The following SZT2 variants were observed in gnomAD, a reference collection of about 807,000 sequenced individuals.
SZT2 encodes KICSTOR complex protein SZT2.
Under a neutral mutation model 404.2 loss-of-function variants are expected in SZT2, and 216 were observed. The ratio of observed to expected loss-of-function variants is 0.53; its 90% CI spans 0.48 to 0.60. The LOEUF is 0.60. SZT2 is among the 20% of genes least tolerant of loss of function. SZT2 has a pLI of 0.00. For synonymous variants in SZT2, 1,693 were observed against 1,749.9 expected, an observed-to-expected ratio of 0.97 and a Z score of 0.81; for missense variants, 3,857 against 4,459.2, an observed-to-expected ratio of 0.86 and a Z score of 3.85.
rs1655669262 is a variant in SZT2, at chr1:43,446,333, T to A, written c.8998-9T>A. 1.2e-6 allele frequency: 2 copies of A among 1,614,106 alleles called. No homozygotes were observed. On this transcript the variant is annotated splice_polypyrimidine_tract_variant and intron_variant, in intron 64 of 71. Coordinates refer to ENST00000634258, the MANE Select transcript of SZT2 (RefSeq NM_001365999.1). ...CGCCTTCCTGATCTCATCTTCACCT[T>A]CCCTCCAGGGCTGTTACTTCTGTGT...
At position 43,435,252 on chromosome 1, in the gene SZT2, T is replaced by A; in HGVS notation, c.5957T>A (p.Val1986Glu). ...HDSHVCNSLL[V>E]AESEEDLWRS... ...AGCCACGTGTGTAACTCTCTTCTGGTGGCCGAGAGTGAAGAAGATCTGTGG... is the reference window on the plus strand; with the variant it reads ...AGCCACGTGTGTAACTCTCTTCTGGAGGCCGAGAGTGAAGAAGATCTGTGG... The change falls in exon 42 of 72, where the codon GTG becomes GAG. Residue 1986 changes from valine (V) to glutamate (E), a missense_variant. This residue lies in a region of SZT2 where 1,725 missense variants were observed against 1,881.0 expected (regional missense o/e 0.92). Transcript: ENST00000634258. 6.2e-7 allele frequency: 1 copy of A among 1,614,236 alleles called. No homozygotes were observed. The highest frequency in any genetic ancestry group is 1.3e-5 in the African/African-American group (1 of 75,060).
At chr1:43,416,136 C>G in intron 6 of SZT2, 35 bp downstream of exon 6, 1 of 1,590,536 alleles carries the variant, frequency 6.3e-7, no homozygotes, top group Non-Finnish European at 8.5e-7. Flanking sequence ...ACTGGGGAAG[C>G]AGGGATACAG....
Position 43,437,948 on chromosome 1 carries a change from G to C in SZT2, c.6508+46G>C. 6.3e-7 allele frequency: 1 copy of C among 1,582,202 alleles called. No individual in the cohort carries two copies. Among genetic ancestry groups the C allele is most frequent in the Non-Finnish European group, 8.7e-7 (1 of 1,151,724 alleles). The stretch of plus-strand genomic sequence containing the variant: ...AGGGGAGTCGCCACATGAGGTTCCA[G>C]AATCCTCTGGGACTTCTCTTAGAAC... On this transcript the variant is annotated intron_variant, in intron 46 of 71. Transcript: ENST00000634258. The surrounding 1 kb of genome is among the most constrained non-coding windows in gnomAD (Gnocchi z 5.3).
chr1:43,403,659 A>C lies in SZT2; in HGVS notation c.212A>C (p.Asp71Ala). The part of the protein sequence containing the change: ...LSVLPPGWQP[D>A]EPVVPRPFLL... ...GTCCTGCCCCCTGGGTGGCAGCCAG[A>C]TGAACCAGTGGTCCCAAGGCCATTC... The change falls in exon 3 of 72, where the codon GAT (aspartate) becomes GCT (alanine). Residue 71 changes from aspartate to alanine, a missense_variant. Asp to Ala is a moderately radical substitution (Grantham distance 126, BLOSUM62 -2). Transcript: ENST00000634258. 1.2e-6 allele frequency: 2 copies of C among 1,614,182 alleles called. No homozygotes were observed. Among genetic ancestry groups the C allele is most frequent in the Non-Finnish European group, 1.7e-6 (2 of 1,180,032 alleles).
Position 43,426,321 on chromosome 1 carries a change from C to T in SZT2, c.3044-47C>T. On this transcript the variant is annotated intron_variant, in intron 21 of 71. Coordinates refer to ENST00000634258, the MANE Select transcript of SZT2 (RefSeq NM_001365999.1). This position sits in a 1 kb window ranked among gnomAD's most constrained non-coding sequence, Gnocchi z 4.9. ...CTGGTCAGGGCTGAGCCGGGGGCACCGGGCAGCAGGAGGCTCTTGGTGCTG... is the reference window on the plus strand; with the variant it reads ...CTGGTCAGGGCTGAGCCGGGGGCACTGGGCAGCAGGAGGCTCTTGGTGCTG... The T allele has an allele frequency of 9.9e-6, 15 of 1,509,504 alleles. No homozygotes were observed. Among genetic ancestry groups the T allele is most frequent in the Non-Finnish European group, 1.3e-5 (15 of 1,128,442 alleles). 93.5% of individuals were successfully genotyped at this position (1,509,504 alleles called of 1,614,324 possible).
In SZT2 at chr1:43,448,811, C is replaced by A; in HGVS notation, c.10086+83C>A. ...AGATGTGCCCCTCAGCCTGACCAAACAAGCTCTGCTCTGGAGGGAGGCCTA... is the reference window on the plus strand; with the variant it reads ...AGATGTGCCCCTCAGCCTGACCAAAAAAGCTCTGCTCTGGAGGGAGGCCTA... On this transcript the variant is annotated intron_variant, in intron 70 of 71. Transcript: ENST00000634258. The surrounding 1 kb of genome is among the most constrained non-coding windows in gnomAD (Gnocchi z 4.2). The A allele has an allele frequency of 7.6e-7, 1 of 1,320,726 alleles. No individual in the cohort carries two copies. The highest frequency in any genetic ancestry group is 1.1e-6 in the Non-Finnish European group (1 of 915,398). The allele number at this position is 1,320,726 out of a possible 1,614,324, so 81.8% of individuals were successfully genotyped here. A position where few individuals can be genotyped will look rare whatever the true frequency, so the allele number is the denominator to read the frequency against.
In SZT2 at chr1:43,438,726, G is replaced by A. The variant is rs185955600; in HGVS notation, c.6536G>A (p.Arg2179Gln). 35 of 1,614,092 alleles carry A rather than the reference G, an allele frequency of 2.2e-5. No individual in the cohort carries two copies. Among genetic ancestry groups the A allele is most frequent in the Admixed American group, 1.2e-4 (7 of 60,020 alleles). The change falls in exon 47 of 72, where the codon CGA (arginine) becomes CAA (glutamine). Residue 2179 changes from arginine (R) to glutamine (Q), a missense_variant. By Grantham distance (43) the Arg-to-Gln change is conservative. Coordinates refer to ENST00000634258, the MANE Select transcript of SZT2 (RefSeq NM_001365999.1). ...AGPEITDELV[R>Q]VLCRRLDEAT... ...CCTGAGATCACGGATGAGCTCGTGCGAGTTCTATGTCGGCGCCTGGATGAG... is the reference window on the plus strand; with the variant it reads ...CCTGAGATCACGGATGAGCTCGTGCAAGTTCTATGTCGGCGCCTGGATGAG...
Position 43,415,172 on chromosome 1 carries a change from G to T in SZT2, c.589G>T (p.Val197Leu). 6.3e-7 allele frequency: 1 copy of T among 1,598,072 alleles called. No individual in the cohort carries two copies. Among genetic ancestry groups the T allele is most frequent in the South Asian group, 1.1e-5 (1 of 91,044 alleles). Residue 197 changes from valine (V) to leucine (L), a missense_variant, in exon 5 of 72, where the codon GTG (valine) becomes TTG (leucine). Physicochemically the swap from Val to Leu is conservative, Grantham distance 32. Around this residue, in one of 7 missense-constraint regions of SZT2, gnomAD observed 536 missense variants for 637.4 expected, o/e 0.84. Transcript: ENST00000634258. ...GCAGCTCTGCCTCTTTGAGGATAAG[G>T]TGGCCACCATGCTGCAGCAGCAGTA... Reference protein sequence around the residue: ...YEQLCLFEDKVATMLQQQYDP... With the variant: ...YEQLCLFEDKLATMLQQQYDP...
chr1:43,438,943 T>C lies in SZT2; in HGVS notation c.6642T>C (p.Pro2214=). The C allele has an allele frequency of 6.2e-7, 1 of 1,614,206 alleles. No individual in the cohort carries two copies. Among genetic ancestry groups the C allele is most frequent in the Non-Finnish European group, 8.5e-7 (1 of 1,180,028 alleles). Reference sequence around the variant, plus strand: ...CCACTCTGCAGTTCATCCAGCCCCCTGGAAGTCTCCCCTCAGAGGTGCTGC... The same window carrying C: ...CCACTCTGCAGTTCATCCAGCCCCCCGGAAGTCTCCCCTCAGAGGTGCTGC... ...TPADVEFIQP[P]GSLPSEVLHL... is the part of the protein sequence containing the mutation. Residue 2214 remains proline (P), a synonymous_variant, in exon 48 of 72, where the codon CCT becomes CCC. Transcript: ENST00000634258.
In SZT2 at chr1:43,443,611, T is replaced by G; in HGVS notation, c.8640T>G (p.Pro2880=). The change falls in exon 62 of 72, where the codon CCT becomes CCG. Residue 2880 remains proline (P), a synonymous_variant. Coordinates refer to ENST00000634258, the MANE Select transcript of SZT2 (RefSeq NM_001365999.1). ...GPPDGQRRHR[P]ESGSGSREAP... is the part of the protein sequence containing the mutation. Reference sequence around the variant, plus strand: ...TACTCTCATAGCGGCGCCATCGCCCTGAGTCAGGGTCTGGGAGCCGAGAGG... The same window carrying G: ...TACTCTCATAGCGGCGCCATCGCCCGGAGTCAGGGTCTGGGAGCCGAGAGG... 1 of 1,614,182 alleles carries G rather than the reference T, an allele frequency of 6.2e-7. No individual in the cohort carries two copies. The highest frequency in any genetic ancestry group is 8.5e-7 in the Non-Finnish European group (1 of 1,180,040).
chr1:43,426,336 T>C lies in SZT2; in HGVS notation c.3044-32T>C. 1 of 1,520,944 alleles carries C rather than the reference T, an allele frequency of 6.6e-7. No individual in the cohort carries two copies. The highest frequency in any genetic ancestry group is 1.2e-5 in the South Asian group (1 of 82,826). 94.2% of individuals were successfully genotyped at this position (1,520,944 alleles called of 1,614,324 possible). A position where few individuals can be genotyped will look rare whatever the true frequency, so the allele number is the denominator to read the frequency against. On this transcript the variant is annotated intron_variant, in intron 21 of 71. Coordinates refer to ENST00000634258, the MANE Select transcript of SZT2 (RefSeq NM_001365999.1). This position sits in a 1 kb window ranked among gnomAD's most constrained non-coding sequence, Gnocchi z 4.9. ...CCGGGGGCACCGGGCAGCAGGAGGCTCTTGGTGCTGAGCAGAGTGTGTGTC... is the reference window on the plus strand; with the variant it reads ...CCGGGGGCACCGGGCAGCAGGAGGCCCTTGGTGCTGAGCAGAGTGTGTGTC...
Position 43,428,496 on chromosome 1 carries a change from A to G in SZT2, c.4166+10A>G, listed in dbSNP as rs934730411. 2 of 1,611,840 alleles carry G rather than the reference A, an allele frequency of 1.2e-6. No homozygotes were observed. Among genetic ancestry groups the G allele is most frequent in the African/African-American group, 1.3e-5 (1 of 74,884 alleles). On this transcript the variant is annotated intron_variant, in intron 28 of 71. Coordinates refer to ENST00000634258, the MANE Select transcript of SZT2 (RefSeq NM_001365999.1). ...TAGCTTCTGAATCCAGGTTAGGATT[A>G]TACTTGAATGATGGATAAGGGGGTA...
Position 43,424,888 on chromosome 1 carries a change from C to T in SZT2, c.2550+26C>T. The T allele has an allele frequency of 1.2e-6, 2 of 1,606,874 alleles. No homozygotes were observed. The highest frequency in any genetic ancestry group is 8.5e-7 in the Non-Finnish European group (1 of 1,173,502). Reference sequence around the variant, plus strand: ...GTACGTGCCATCCCCCATGACACCTCCCTGCCAAGGTCTGTCATAATCCCA... The same window carrying T: ...GTACGTGCCATCCCCCATGACACCTTCCTGCCAAGGTCTGTCATAATCCCA... On this transcript the variant is annotated intron_variant, in intron 17 of 71. Transcript: ENST00000634258. This position sits in a 1 kb window ranked among gnomAD's most constrained non-coding sequence, Gnocchi z 4.1.
intron 1 of SZT2, among the ~76,000 whole-genome samples, chr1:43,402,915 A>G (rs1430985041): frequency 5.9e-5 from 9 of 152,196 alleles, no homozygotes; most frequent in African/African-American, 2.2e-4. Flanking sequence ...TTTATAGGTG[A>G]AACTCACATA....
At position 43,420,690 on chromosome 1, in the gene SZT2, C is replaced by T. The variant is rs964187887; in HGVS notation, c.1262-59C>T. ...GTAGGTGGGGGTTTCAGATAGAACTCGATCCCAGGCCTAGAGTCCTATGCC... is the reference window on the plus strand; with the variant it reads ...GTAGGTGGGGGTTTCAGATAGAACTTGATCCCAGGCCTAGAGTCCTATGCC... On this transcript the variant is annotated intron_variant, in intron 9 of 71. Transcript: ENST00000634258. This position sits in a 1 kb window ranked among gnomAD's most constrained non-coding sequence, Gnocchi z 5.1. 4.0e-6 allele frequency: 6 copies of T among 1,513,910 alleles called. No individual in the cohort carries two copies. Among genetic ancestry groups the T allele is most frequent in the Middle Eastern group, 2.1e-4 (1 of 4,814 alleles). The allele number at this position is 1,513,910 out of a possible 1,614,324, so 93.8% of individuals were successfully genotyped here.
chr1:43,445,977 G>T lies in SZT2; in HGVS notation c.8909G>T (p.Ser2970Ile). ...FSCPKTKTDG[S>I]PKSTSSPVTT... ...TGCCCTAAAACCAAGACTGATGGGA[G>T]CCCCAAGGTAACTTGTCATATAATG... Residue 2970 changes from serine (S) to isoleucine (I), a missense_variant, in exon 63 of 72, where the codon AGC becomes ATC. By Grantham distance (142) the Ser-to-Ile change is moderately radical. This residue lies in a region of SZT2 where 717 missense variants were observed against 868.2 expected (regional missense o/e 0.83). Coordinates refer to ENST00000634258, the MANE Select transcript of SZT2 (RefSeq NM_001365999.1). 2 of 1,613,960 alleles carry T rather than the reference G, an allele frequency of 1.2e-6. No individual in the cohort carries two copies. The highest frequency in any genetic ancestry group is 1.7e-6 in the Non-Finnish European group (2 of 1,179,926).
Position 43,415,167 on chromosome 1 carries a change from A to G in SZT2, c.584A>G (p.Asp195Gly). 6.3e-7 allele frequency: 1 copy of G among 1,598,042 alleles called. No individual in the cohort carries two copies. The highest frequency in any genetic ancestry group is 8.5e-7 in the Non-Finnish European group (1 of 1,179,590). ...QIYEQLCLFE[D>G]KVATMLQQQY... ...TATGAGCAGCTCTGCCTCTTTGAGGATAAGGTGGCCACCATGCTGCAGCAG... is the reference window on the plus strand; with the variant it reads ...TATGAGCAGCTCTGCCTCTTTGAGGGTAAGGTGGCCACCATGCTGCAGCAG... Residue 195 changes from aspartate (D) to glycine (G), a missense_variant, in exon 5 of 72, where the codon GAT becomes GGT. Physicochemically the swap from Asp to Gly is moderately conservative, Grantham distance 94 (BLOSUM62 -1). Around this residue, in one of 7 missense-constraint regions of SZT2, gnomAD observed 536 missense variants for 637.4 expected, o/e 0.84. Coordinates refer to ENST00000634258, the MANE Select transcript of SZT2 (RefSeq NM_001365999.1).
In SZT2 at chr1:43,435,309, G is replaced by T. The variant is rs766222327; in HGVS notation, c.6014G>T (p.Arg2005Leu). The T allele has an allele frequency of 6.2e-7, 1 of 1,614,042 alleles. No individual in the cohort carries two copies. The highest frequency in any genetic ancestry group is 8.5e-7 in the Non-Finnish European group (1 of 1,179,984). The change falls in exon 42 of 72, where the codon CGG (arginine) becomes CTG (leucine). Residue 2005 changes from arginine (R) to leucine (L), a missense_variant. By Grantham distance (102) the Arg-to-Leu change is moderately radical. Coordinates refer to ENST00000634258, the MANE Select transcript of SZT2 (RefSeq NM_001365999.1). Reference protein sequence around the residue: ...RSETPFHSRQRAPLPSDDYAA... With the variant: ...RSETPFHSRQLAPLPSDDYAA... ...GAGACTCCCTTCCACTCCCGTCAGC[G>T]GGCACCACTGCCCAGTGATGGTGAG...
Position 43,452,442 on chromosome 1 carries a change from A to G in SZT2, c.*1962A>G. On this transcript the variant is annotated 3_prime_UTR_variant, in exon 72 of 72. Transcript: ENST00000634258. ...GTCTCCAGTCCATGGCACCTGGGTC[A>G]CGATGCCCAGGTATCCCAGCACTTT... 2.6e-6 allele frequency: 2 copies of G among 774,692 alleles called. No individual in the cohort carries two copies. Among genetic ancestry groups the G allele is most frequent in the East Asian group, 2.7e-5 (1 of 37,378 alleles). The allele number at this position is 774,692 out of a possible 1,614,324, so 48.0% of individuals were successfully genotyped here.
Sources: allele counts gnomAD v4.1 joint callset (sites outside exome capture counted in the v4.1 genomes callset), GRCh38; gene constraint gnomAD v4.1.1; regional missense constraint gnomAD v4.1.1; non-coding constraint Gnocchi (gnomAD v3.1); transcripts MANE v1.5; gene names NCBI Gene and HGNC (gene_info 2026-07-23, HGNC 2026-07-21).